GRID2: variants seen among roughly 807,000 people sequenced by gnomAD.
The protein encoded by GRID2 is glutamate ionotropic receptor delta type subunit 2.
In GRID2, 33 loss-of-function variants were observed where a neutral mutation model predicts 114.8. The observed-to-expected ratio is 0.29, with a 90% CI of 0.22 to 0.38. GRID2 has a LOEUF of 0.38. Ranked by LOEUF, GRID2 falls within the 10% of genes least tolerant of loss-of-function variation. GRID2 has a pLI of 1.00. For synonymous variants in GRID2, 505 were observed against 449.9 expected (o/e 1.12, Z -1.55); for missense variants, 1,184 against 1,257.7 (o/e 0.94, Z 0.89).
At chr4:92,788,395 G>A (rs1181669631) in intron 2 of GRID2, among the ~76,000 whole-genome samples, 1 of 151,826 alleles carries the variant, frequency 6.6e-6, no homozygotes, top group Non-Finnish European at 1.5e-5. Flanking sequence ...GAAAGAAATG[G>A]GAAAGGGGAA....
At chr4:92,485,598 G>A (rs1722846672) in intron 1 of GRID2, among the ~76,000 whole-genome samples, 1 of 151,618 alleles carries the variant, frequency 6.6e-6, no homozygotes, top group Non-Finnish European at 1.5e-5. Context: ...GATGAGGCAG[G>A]AGGATTGCTT....
At chr4:92,365,406 A>T (rs1310682519) in intron 1 of GRID2, among the ~76,000 whole-genome samples, 4 of 152,046 alleles carry the variant, frequency 2.6e-5, no homozygotes, top group Admixed American at 6.6e-5. Flanking sequence ...ATATGATCTC[A>T]TTTATGTGTG....
intron 1 of GRID2, among the ~76,000 whole-genome samples, chr4:92,366,431 G>C (rs1353452095): frequency 6.6e-6 from 1 of 151,748 alleles, no homozygotes. Context: ...CATTTAACAG[G>C]GTTGTGAGGA....
intron 2 of GRID2, among the ~76,000 whole-genome samples, chr4:92,908,561 C>CAAAAAAAAAAA (rs762037449): frequency 2.8e-5 from 1 of 35,970 alleles, no homozygotes; most frequent in Non-Finnish European, 6.5e-5. Flanking sequence ...GACTCCATCT[C>CAAAAAAAAAAA]AAAAAAAAAA....
At chr4:93,431,275 T>C (rs1467869029) in intron 10 of GRID2, among the ~76,000 whole-genome samples, 1 of 152,044 alleles carries the variant, frequency 6.6e-6, no homozygotes, top group Non-Finnish European at 1.5e-5. Flanking sequence ...AGGTATACAT[T>C]TGGGAGTCAG....
At chr4:93,345,202 C>T (rs1446060474) in intron 8 of GRID2, among the ~76,000 whole-genome samples, 1 of 151,898 alleles carries the variant, frequency 6.6e-6, no homozygotes, top group African/African-American at 2.4e-5. Context: ...ACATGGTAGT[C>T]CAATTTTTAA....
At chr4:93,456,726 G>A (rs1580138253) in intron 11 of GRID2, among the ~76,000 whole-genome samples, 1 of 152,260 alleles carries the variant, frequency 6.6e-6, no homozygotes, top group East Asian at 1.9e-4. Context: ...AGAGGAGGAT[G>A]TTTGCTACAA....
At chr4:93,046,273 A>G (rs1264120075) in intron 2 of GRID2, among the ~76,000 whole-genome samples, 1 of 152,078 alleles carries the variant, frequency 6.6e-6, no homozygotes, top group East Asian at 1.9e-4. Flanking sequence ...GTGATGACCA[A>G]TAACAATCTC....
intron 14 of GRID2, among the ~76,000 whole-genome samples, chr4:93,666,894 A>C (rs1172553462): frequency 6.6e-6 from 1 of 152,088 alleles, no homozygotes; most frequent in Non-Finnish European, 1.5e-5. Context: ...AATCTTTATA[A>C]AATTCTTTTT....
In GRID2 at chr4:93,515,555, A is replaced by G. The variant is rs1729637039; in HGVS notation, c.2193+144A>G. The G allele has an allele frequency of 1.3e-5, 8 of 599,998 alleles. No individual in the cohort carries two copies. In the Admixed American group the frequency reaches 2.4e-4, roughly 18 times the overall value. The allele number at this position is 599,998 out of a possible 1,614,324, so 37.2% of individuals were successfully genotyped here. A position where few individuals can be genotyped will look rare whatever the true frequency, so the allele number is the denominator to read the frequency against. On this transcript the variant is annotated intron_variant, in intron 13 of 15. Transcript: ENST00000282020. ...CAAATTTCCTGTTACAATGCATCTT[A>G]TATTGATTTAAAGAAGATTTTTTAG...
intron 13 of GRID2, among the ~76,000 whole-genome samples, chr4:93,542,432 A>G (rs561063548): frequency 2.0e-4 from 31 of 152,170 alleles, no homozygotes; most frequent in Non-Finnish European, 4.0e-4. Context: ...TAACTCCAAC[A>G]AATAGCCAAC....
intron 8 of GRID2, among the ~76,000 whole-genome samples, chr4:93,299,714 TA>T (rs1274996471): frequency 6.6e-5 from 10 of 151,934 alleles, no homozygotes; most frequent in Admixed American, 4.6e-4. Flanking sequence ...AATATATATA[TA>T]AAAAAAGGAT....
At chr4:93,114,817 A>T (rs761211647) in intron 4 of GRID2, among the ~76,000 whole-genome samples, 7 of 152,202 alleles carry the variant, frequency 4.6e-5, no homozygotes, top group Non-Finnish European at 1.0e-4. Context: ...GAAGACACAA[A>T]GAGAAATTAT....
chr4:93,741,159 C>CTATATATATATATA (rs879839195), intron 14 of GRID2, among the ~76,000 whole-genome samples: 5 of 47,182 alleles, frequency 1.1e-4, no homozygotes, highest in African/African-American at 3.9e-4. Context: ...ACCTGAGAAA[C>CTATATATATATATA]TATATATATA....
intron 1 of GRID2, among the ~76,000 whole-genome samples, chr4:92,421,476 G>T (rs1731903273): frequency 6.6e-6 from 1 of 152,094 alleles, no homozygotes; most frequent in Admixed American, 6.6e-5. Flanking sequence ...AAGCACATTT[G>T]GTTGCTGAAG....
At chr4:93,178,089 T>A (rs1305145504) in intron 4 of GRID2, among the ~76,000 whole-genome samples, 1 of 150,582 alleles carries the variant, frequency 6.6e-6, no homozygotes, top group Non-Finnish European at 1.5e-5. Flanking sequence ...AAAAAACATA[T>A]AAGCTAGTGA....
chr4:93,228,322 A>G (rs1011334107), intron 7 of GRID2, among the ~76,000 whole-genome samples: 1 of 152,142 alleles, frequency 6.6e-6, no homozygotes, highest in African/African-American at 2.4e-5. Flanking sequence ...CAAAAAGGGG[A>G]CCAAACTCTT....
intron 2 of GRID2, among the ~76,000 whole-genome samples, chr4:92,904,216 A>G (rs924089270): frequency 1.3e-5 from 2 of 151,296 alleles, no homozygotes; most frequent in African/African-American, 4.8e-5. Flanking sequence ...TTTTTTCTTC[A>G]TATCATTTTA....
rs1043400898 is a variant in GRID2, at chr4:93,383,564, A to G, written c.1246-12043A>G. ...GCAGTTGTTGCCTACATGGGGAGAC[A>G]GATTTCTGGTGCTTTCTATTTTGCC... On this transcript the variant is annotated intron_variant, in intron 8 of 15. Coordinates refer to ENST00000282020, the MANE Select transcript of GRID2 (RefSeq NM_001510.4). Among the ~76,000 whole-genome samples the G allele has an allele frequency of 3.3e-5, 5 of 152,200 alleles. No homozygotes were observed. The East Asian group carries it at 9.6e-4, about 29-fold the overall frequency.
Sources: gnomAD v4.1 joint callset for allele counts (sites outside exome capture counted in the v4.1 genomes callset) on GRCh38, gnomAD v4.1.1 for gene constraint, MANE v1.5 for transcripts, NCBI Gene and HGNC (gene_info 2026-07-23, HGNC 2026-07-21) for gene names.